TLE3: variants seen among roughly 807,000 people sequenced by gnomAD.
TLE3 encodes transducin-like enhancer protein 3.
In TLE3, 14 loss-of-function variants were observed where a neutral mutation model predicts 93.0. The observed-to-expected ratio is 0.15, with a 90% CI of 0.10 to 0.24. The LOEUF is 0.24. TLE3 is among the 10% of genes least tolerant of loss of function. The pLI is 1.00. For missense variants in TLE3, 693 were observed against 1,046.6 expected (o/e 0.66, Z 4.66); for synonymous variants, 451 against 425.0 (o/e 1.06, Z -0.75).
At chr15:70,096,725 T>A in intron 1 of TLE3, 50 bp downstream of exon 1, 4 of 1,607,502 alleles carry the variant, frequency 2.5e-6, no homozygotes, top group Non-Finnish European at 3.4e-6. Flanking sequence ...AACTGCCTCG[T>A]TTACCCTGCC....
chr15:70,089,005 C>T (rs897646612), intron 4 of TLE3, among the ~76,000 whole-genome samples: 1 of 152,108 alleles, frequency 6.6e-6, no homozygotes, highest in South Asian at 2.1e-4. Flanking sequence ...CCTTGGAGAT[C>T]GCTCTGCTGC....
At position 70,048,172 on chromosome 15, in the gene TLE3, G is replaced by A. The variant is rs3743309; in HGVS notation, c.*1925C>T. 0.78 allele frequency: 117,350 copies of A among 149,786 alleles called. 47,654 individuals carry two copies. The highest frequency in any genetic ancestry group is 0.91 in the Non-Finnish European group (61,701 of 67,780). The allele number at this position is 149,786 out of a possible 1,614,324, so 9.3% of individuals were successfully genotyped here. On this transcript the variant is annotated 3_prime_UTR_variant, in exon 20 of 20. Transcript: ENST00000451782. ...CGGGGGGCGGGACTGGCAAACTGGG[G>A]GGAGAGGCAATTAAGACGCAACAAT...
intron 6 of TLE3, among the ~76,000 whole-genome samples, chr15:70,068,731 T>C (rs180917422): frequency 5.4e-4 from 83 of 152,342 alleles, no homozygotes; most frequent in Non-Finnish European, 8.5e-4. Flanking sequence ...TGGAGTTGAA[T>C]AGCTCCACGC....
intron 6 of TLE3, among the ~76,000 whole-genome samples, chr15:70,068,870 C>T (rs889068536): frequency 1.3e-5 from 2 of 152,190 alleles, no homozygotes; most frequent in Admixed American, 6.5e-5. Context: ...TTTCTCTGTT[C>T]TAAGAGCTCT....
At chr15:70,084,773 A>G (rs2057965200) in intron 4 of TLE3, among the ~76,000 whole-genome samples, 1 of 152,230 alleles carries the variant, frequency 6.6e-6, no homozygotes. Context: ...CACATATGGG[A>G]AAGGGCTCTG....
At chr15:70,067,419 T>TA in intron 6 of TLE3, among the ~76,000 whole-genome samples, 1 of 152,268 alleles carries the variant, frequency 6.6e-6, no homozygotes, top group Admixed American at 6.5e-5. Flanking sequence ...AATAGATGCT[T>TA]AGGGGGCTGG....
Position 70,051,461 on chromosome 15 carries a change from C to A in TLE3, c.2132G>T (p.Trp711Leu). 1 of 1,606,692 alleles carries A rather than the reference C, an allele frequency of 6.2e-7. No homozygotes were observed. The highest frequency in any genetic ancestry group is 1.1e-5 in the South Asian group (1 of 89,450). The part of the protein sequence containing the change: ...LSLKFAYCGK[W>L]FVSTGKDNLL... Reference sequence around the variant, plus strand: ...GTTATCTTTCCCAGTGCTCACGAACCACTTGCCTGCAGGTGGGAGGCAAAG... The same window carrying A: ...GTTATCTTTCCCAGTGCTCACGAACAACTTGCCTGCAGGTGGGAGGCAAAG... Residue 711 changes from tryptophan (W) to leucine (L), a missense_variant, in exon 19 of 20, where the codon TGG becomes TTG. By Grantham distance (61) the Trp-to-Leu change is moderately conservative. Coordinates refer to ENST00000451782, the MANE Select transcript of TLE3 (RefSeq NM_001105192.3).
chr15:70,062,982 G>A (rs1026148819), intron 8 of TLE3, among the ~76,000 whole-genome samples: 4 of 152,332 alleles, frequency 2.6e-5, no homozygotes, highest in Non-Finnish European at 4.4e-5. Flanking sequence ...CACAAAGCCA[G>A]AAGCCAATAG....
intron 17 of TLE3, 180 bp from the exon 18 acceptor site, chr15:70,052,704 C>A: frequency 1.9e-6 from 1 of 515,292 alleles, no homozygotes; most frequent in African/African-American, 2.0e-5. Context: ...AAAGCACAGA[C>A]ATTTTGCATT....
chr15:70,059,949 A>G (rs1392962773), intron 9 of TLE3, among the ~76,000 whole-genome samples: 2 of 152,232 alleles, frequency 1.3e-5, no homozygotes, highest in Non-Finnish European at 2.9e-5. Flanking sequence ...CACAGCAGCC[A>G]TGTGGCTGAA....
Position 70,096,951 on chromosome 15 carries a change from C to A in TLE3, c.-153G>T. 3.3e-6 allele frequency: 3 copies of A among 915,070 alleles called. No individual in the cohort carries two copies. The highest frequency in any genetic ancestry group is 3.4e-6 in the Non-Finnish European group (2 of 594,506). The allele number at this position is 915,070 out of a possible 1,614,324, so 56.7% of individuals were successfully genotyped here. Reference sequence around the variant, plus strand: ...CCCAGCTCGTTCTCGCAGCGAAATCCCAGAGTCGGGCGCCCGCCCCAAGTG... The same window carrying A: ...CCCAGCTCGTTCTCGCAGCGAAATCACAGAGTCGGGCGCCCGCCCCAAGTG... On this transcript the variant is annotated 5_prime_UTR_variant, in exon 1 of 20. Coordinates refer to ENST00000451782, the MANE Select transcript of TLE3 (RefSeq NM_001105192.3).
At position 70,066,130 on chromosome 15, in the gene TLE3, G is replaced by A; in HGVS notation, c.461C>T (p.Pro154Leu). Residue 154 changes from proline (P) to leucine (L), a missense_variant, in exon 7 of 20, where the codon CCA becomes CTA. Around this residue, in one of 4 missense-constraint regions of TLE3, gnomAD observed 405 missense variants for 468.9 expected, o/e 0.86. Coordinates refer to ENST00000451782, the MANE Select transcript of TLE3 (RefSeq NM_001105192.3). The stretch of plus-strand genomic sequence containing the variant: ...GCTCCCTGTCACTGGGGGGATTCCT[G>A]GAGGCTGGAGACCTGACGGGTGGGG... Reference protein sequence around the residue: ...LPPHPSGLQPPGIPPVTGSSS... With the variant: ...LPPHPSGLQPLGIPPVTGSSS... The A allele has an allele frequency of 6.4e-7, 1 of 1,559,918 alleles. No individual in the cohort carries two copies. The highest frequency in any genetic ancestry group is 1.8e-5 in the Admixed American group (1 of 54,148).
At position 70,066,129 on chromosome 15, in the gene TLE3, T is replaced by C; in HGVS notation, c.462A>G (p.Pro154=). The change falls in exon 7 of 20, where the codon CCA becomes CCG. Residue 154 remains proline, a synonymous_variant. Coordinates refer to ENST00000451782, the MANE Select transcript of TLE3 (RefSeq NM_001105192.3). ...TGCTCCCTGTCACTGGGGGGATTCCTGGAGGCTGGAGACCTGACGGGTGGG... is the reference window on the plus strand; with the variant it reads ...TGCTCCCTGTCACTGGGGGGATTCCCGGAGGCTGGAGACCTGACGGGTGGG... ...LPPHPSGLQP[P]GIPPVTGSSS... is the part of the protein sequence containing the mutation. 1.9e-6 allele frequency: 3 copies of C among 1,559,834 alleles called. No homozygotes were observed. Among genetic ancestry groups the C allele is most frequent in the Non-Finnish European group, 2.6e-6 (3 of 1,151,818 alleles).
rs2056276702 is a variant in TLE3 at position 70,058,889 on chromosome 15, G to A, written c.766-74C>T. On this transcript the variant is annotated intron_variant, in intron 10 of 19. Coordinates refer to ENST00000451782, the MANE Select transcript of TLE3 (RefSeq NM_001105192.3). This position sits in a 1 kb window ranked among gnomAD's most constrained non-coding sequence, Gnocchi z 4.1. The stretch of plus-strand genomic sequence containing the variant: ...CGAGGCTTCCCTGCTCTGGGAGTGG[G>A]AAGAGAGAGGGCATGGGCGATGGGA... 2.1e-6 allele frequency: 3 copies of A among 1,462,234 alleles called. No homozygotes were observed. The South Asian group carries it at 4.3e-5, about 21-fold the overall frequency. 90.6% of individuals were successfully genotyped at this position (1,462,234 alleles called of 1,614,324 possible).
chr15:70,059,358 A>G (rs2056311681), intron 10 of TLE3, 52 bp downstream of exon 10: 1 of 1,573,348 alleles, frequency 6.4e-7, no homozygotes, highest in South Asian at 1.2e-5. Context: ...GGGAGGAATA[A>G]TTCCAAACCA....
intron 4 of TLE3, among the ~76,000 whole-genome samples, chr15:70,087,790 C>T (rs144619488): frequency 5.9e-4 from 90 of 152,344 alleles, no homozygotes; most frequent in Middle Eastern, 6.8e-3. Flanking sequence ...GACAGAGAGG[C>T]AAAGGAAACC....
intron 4 of TLE3, among the ~76,000 whole-genome samples, chr15:70,077,234 T>A (rs1281083492): frequency 6.6e-6 from 1 of 152,230 alleles, no homozygotes; most frequent in African/African-American, 2.4e-5. Flanking sequence ...AGAGTGGTGC[T>A]ATACGGGTTA....
At position 70,049,420 on chromosome 15, in the gene TLE3, T is replaced by C. The variant is rs1468641235; in HGVS notation, c.*677A>G. On this transcript the variant is annotated 3_prime_UTR_variant, in exon 20 of 20. Transcript: ENST00000451782. ...TCCAGCAGGCACCTTACGGCCAACCTGGTTGCCTTTTCCACACTCTAAGAC... is the reference window on the plus strand; with the variant it reads ...TCCAGCAGGCACCTTACGGCCAACCCGGTTGCCTTTTCCACACTCTAAGAC... 1 of 151,518 alleles carries C rather than the reference T, an allele frequency of 6.6e-6. No homozygotes were observed. The highest frequency in any genetic ancestry group is 2.0e-4 in the East Asian group (1 of 5,108). 9.4% of individuals were successfully genotyped at this position (151,518 alleles called of 1,614,324 possible).
chr15:70,057,480 C>T lies in TLE3; in HGVS notation c.1230G>A (p.Ser410=), dbSNP rs765981315. ...AAAAAAAYGR[S]PMVSFGAVGF... is the part of the protein sequence containing the mutation. ...GTACAGCTCCAAAGCTCACCATTGGCGATCGGCCATAGGCAGCGGCTGCAG... is the reference window on the plus strand; with the variant it reads ...GTACAGCTCCAAAGCTCACCATTGGTGATCGGCCATAGGCAGCGGCTGCAG... The change falls in exon 13 of 20, where the codon TCG becomes TCA. Residue 410 remains serine, a synonymous_variant. Transcript: ENST00000451782. 1.8e-5 allele frequency: 29 copies of T among 1,606,160 alleles called. No individual in the cohort carries two copies. Among genetic ancestry groups the T allele is most frequent in the Admixed American group, 1.7e-4 (10 of 58,822 alleles).
Sources: allele counts gnomAD v4.1 joint callset (sites outside exome capture counted in the v4.1 genomes callset), GRCh38; gene constraint gnomAD v4.1.1; regional missense constraint gnomAD v4.1.1; non-coding constraint Gnocchi (gnomAD v3.1); transcripts MANE v1.5; gene names NCBI Gene and HGNC (gene_info 2026-07-23, HGNC 2026-07-21).